The following ALG6 variants were observed in gnomAD, a reference collection of about 807,000 sequenced individuals.
ALG6 encodes the protein dolichyl pyrophosphate Man9GlcNAc2 alpha-1,3-glucosyltransferase.
In ALG6, 46 loss-of-function variants were observed where a neutral mutation model predicts 66.6. The observed-to-expected ratio is 0.69, with a 90% CI of 0.55 to 0.88. The LOEUF is 0.88. ALG6 is among the 40% of genes least tolerant of loss of function. ALG6 has a pLI of 0.00. For missense variants in ALG6, 505 were observed against 586.8 expected, an observed-to-expected ratio of 0.86 and a Z score of 1.44; for synonymous variants, 185 against 203.7, an observed-to-expected ratio of 0.91 and a Z score of 0.78.
rs754043594 is a variant in ALG6, at chr1:63,412,064, A to G, written c.816+3A>G. 10 of 1,614,026 alleles carry G rather than the reference A, an allele frequency of 6.2e-6. No homozygotes were observed. Among genetic ancestry groups the G allele is most frequent in the Non-Finnish European group, 8.5e-6 (10 of 1,179,958 alleles). ...CGGTTGATCGTGGATTATTTGAGGC[A>G]TGTTTAAACACTTTCCTCTCCTTTC... On this transcript the variant is annotated splice_donor_region_variant and intron_variant, in intron 9 of 14. Coordinates refer to ENST00000263440, the MANE Select transcript of ALG6 (RefSeq NM_013339.4).
At position 63,438,067 on chromosome 1, in the gene ALG6, A is replaced by G. The variant is rs1248514167; in HGVS notation, c.*1047A>G. 3.3e-5 allele frequency: 5 copies of G among 152,172 alleles called. No homozygotes were observed. The highest frequency in any genetic ancestry group is 7.3e-5 in the Non-Finnish European group (5 of 68,038). The allele number at this position is 152,172 out of a possible 1,614,324, so 9.4% of individuals were successfully genotyped here. A position where few individuals can be genotyped will look rare whatever the true frequency, so the allele number is the denominator to read the frequency against. On this transcript the variant is annotated 3_prime_UTR_variant, in exon 15 of 15. Transcript: ENST00000263440. ...TTTTAAGGAATATATTTCTTCTTTC[A>G]TAAGATAGCCATTAAACTATATTAA... is the stretch of plus-strand genomic sequence containing the variant.
intron 3 of ALG6, among the ~76,000 whole-genome samples, chr1:63,397,276 C>T (rs1057098704): frequency 6.6e-6 from 1 of 151,900 alleles, no homozygotes; most frequent in African/African-American, 2.4e-5. Context: ...ACCTCTGCTG[C>T]CTGGGTTCAA....
rs749637038 is a variant in ALG6 at position 63,402,276 on chromosome 1, A to C, written c.190A>C (p.Asn64His). 2 of 1,609,100 alleles carry C rather than the reference A, an allele frequency of 1.2e-6. No individual in the cohort carries two copies. Among genetic ancestry groups the C allele is most frequent in the South Asian group, 1.1e-5 (1 of 90,982 alleles). The change falls in exon 4 of 15, where the codon AAT becomes CAT. Residue 64 changes from asparagine (N) to histidine (H), a missense_variant. Physicochemically the swap from Asn to His is moderately conservative, Grantham distance 68. Coordinates refer to ENST00000263440, the MANE Select transcript of ALG6 (RefSeq NM_013339.4). ...CAGGTATTTTAACAGCAGTGATAAC[A>C]ATTTACAGTATTGGGGATTGGATTA... ...KQWYFNSSDN[N>H]LQYWGLDYPP...
chr1:63,427,603 G>GAAAATAGAT (rs1644622830), intron 12 of ALG6, among the ~76,000 whole-genome samples: 1 of 151,800 alleles, frequency 6.6e-6, no homozygotes. Flanking sequence ...TTCCACTTAA[G>GAAAATAGAT]AAAATAGATT....
intron 14 of ALG6, among the ~76,000 whole-genome samples, chr1:63,432,759 A>G (rs1015470738): frequency 2.0e-5 from 3 of 152,206 alleles, no homozygotes; most frequent in Non-Finnish European, 4.4e-5. Flanking sequence ...GACAACTACT[A>G]CAAATGTTAT....
intron 2 of ALG6, among the ~76,000 whole-genome samples, chr1:63,395,066 A>C (rs1048183774): frequency 3.3e-5 from 5 of 151,330 alleles, no homozygotes; most frequent in Admixed American, 1.3e-4. Flanking sequence ...GGGTTTCACC[A>C]TGTTGGTCAG....
Position 63,415,968 on chromosome 1 carries a change from CA to C in ALG6, c.987+12del. On this transcript the variant is annotated intron_variant, in intron 11 of 14. Transcript: ENST00000263440. ...TTCAAATTTACACTGGTAAGTTTTT[CA>C]TTACTTTAGATACTTAATTCTTGCC... The C allele has an allele frequency of 6.4e-7, 1 of 1,556,964 alleles. No individual in the cohort carries two copies. Among genetic ancestry groups the C allele is most frequent in the Non-Finnish European group, 8.9e-7 (1 of 1,128,914 alleles).
chr1:63,371,615 A>T (rs1570027153), intron 2 of ALG6, among the ~76,000 whole-genome samples: 2 of 151,802 alleles, frequency 1.3e-5, no homozygotes, highest in Non-Finnish European at 2.9e-5. Flanking sequence ...ATTTTATTTT[A>T]TTTTTTTGAT....
intron 5 of ALG6, 45 bp downstream of exon 5, chr1:63,404,586 A>G (rs747949468): frequency 6.5e-7 from 1 of 1,537,558 alleles, no homozygotes; most frequent in Non-Finnish European, 9.0e-7. Context: ...ATTTTTTAAA[A>G]ATTTTGGACA....
intron 6 of ALG6, among the ~76,000 whole-genome samples, 173 bp from the exon 7 acceptor site, chr1:63,406,889 A>G (rs1644491972): frequency 6.6e-6 from 1 of 152,022 alleles, no homozygotes; most frequent in Admixed American, 6.6e-5. Flanking sequence ...CCTTCATGAA[A>G]ACTTCATTGT....
Position 63,438,409 on chromosome 1 carries a change from T to C in ALG6, c.*1389T>C, listed in dbSNP as rs938305044. On this transcript the variant is annotated 3_prime_UTR_variant, in exon 15 of 15. Transcript: ENST00000263440. ...TGGCTGGCTGGTGTAGCTTTATTTT[T>C]AAAAATATTTTTTGTAATAGTACAC... is the stretch of plus-strand genomic sequence containing the variant. 2.6e-5 allele frequency: 4 copies of C among 152,214 alleles called. No homozygotes were observed. Among genetic ancestry groups the C allele is most frequent in the African/African-American group, 9.6e-5 (4 of 41,460 alleles). 9.4% of individuals were successfully genotyped at this position (152,214 alleles called of 1,614,324 possible). A position where few individuals can be genotyped will look rare whatever the true frequency, so the allele number is the denominator to read the frequency against.
chr1:63,405,457 G>A (rs954590216), intron 5 of ALG6, among the ~76,000 whole-genome samples: 1 of 152,116 alleles, frequency 6.6e-6, no homozygotes, highest in African/African-American at 2.4e-5. Flanking sequence ...GAACAAGTCT[G>A]ATCCCTTGTA....
chr1:63,423,503 C>T (rs1413537712), intron 12 of ALG6, among the ~76,000 whole-genome samples: 1 of 152,072 alleles, frequency 6.6e-6, no homozygotes, highest in African/African-American at 2.4e-5. Flanking sequence ...CAAAGCAGTC[C>T]CTCTCCATTT....
At chr1:63,404,396 C>A in intron 4 of ALG6, 57 bp from the exon 5 acceptor site, 2 of 1,355,918 alleles carry the variant, frequency 1.5e-6, no homozygotes, top group Non-Finnish European at 2.1e-6. Flanking sequence ...CCTTCAATAT[C>A]TTTATTGCTA....
At position 63,389,921 on chromosome 1, in the gene ALG6, C is replaced by T. The variant is rs1034506275; in HGVS notation, c.83-6592C>T. 2.0e-5 allele frequency among the ~76,000 whole-genome samples: 3 copies of T among 152,162 alleles called. No homozygotes were observed. The East Asian group carries it at 5.8e-4, about 29-fold the overall frequency. ...GACTCTTGTTCTTTTCCCTTACTTT[C>T]CCCCAAAGAAATGGAGTCTGTCTCT... On this transcript the variant is annotated intron_variant, in intron 2 of 14. Transcript: ENST00000263440.
intron 12 of ALG6, among the ~76,000 whole-genome samples, chr1:63,422,638 C>T (rs545040173): frequency 1.3e-3 from 195 of 151,224 alleles, no homozygotes; most frequent in African/African-American, 4.6e-3. Context: ...GAGCAATGCA[C>T]GGAGAAGCCT....
intron 1 of ALG6, among the ~76,000 whole-genome samples, chr1:63,368,154 C>T (rs1647789397): frequency 6.6e-6 from 1 of 152,192 alleles, no homozygotes; most frequent in Admixed American, 6.5e-5. Flanking sequence ...AAAAGCGCAT[C>T]TACTGCCTGC....
intron 2 of ALG6, among the ~76,000 whole-genome samples, chr1:63,375,592 A>G (rs968525431): frequency 2.0e-4 from 30 of 152,092 alleles, no homozygotes; most frequent in African/African-American, 7.0e-4. Context: ...TGCCTTTGTC[A>G]GGTTTGATAT....
intron 7 of ALG6, among the ~76,000 whole-genome samples, chr1:63,407,861 CTG>C (rs972694716): frequency 1.3e-5 from 2 of 152,040 alleles, no homozygotes; most frequent in Non-Finnish European, 2.9e-5. Flanking sequence ...ATATTCAAGT[CTG>C]TAGTTGTTTT....
Sources: gnomAD v4.1 joint callset for allele counts (sites outside exome capture counted in the v4.1 genomes callset) on GRCh38, gnomAD v4.1.1 for gene constraint, MANE v1.5 for transcripts, NCBI Gene and HGNC (gene_info 2026-07-23, HGNC 2026-07-21) for gene names.